Variants in SLC24A2 observed in about 807,000 individuals in gnomAD.
The protein encoded by SLC24A2 is solute carrier family 24 member 2.
A neutral mutation model predicts 62.0 loss-of-function variants in SLC24A2; 36 were observed. The observed-to-expected ratio is 0.58, with a 90% confidence interval of 0.44 to 0.77. The LOEUF is 0.77. Ranked by LOEUF, SLC24A2 falls within the 30% of genes least tolerant of loss-of-function variation. The probability of loss-of-function intolerance (pLI) is 0.00; values close to 1 mark genes in which losing one functional copy is unlikely to be tolerated. For missense variants in SLC24A2, 846 were observed against 817.9 expected (o/e 1.03, Z -0.42); for synonymous variants, 358 against 294.0 (o/e 1.22, Z -2.23).
At chr9:20,019,682 C>G in the SLC24A2 span, among the ~76,000 whole-genome samples, 17 of 152,236 alleles carry the variant, frequency 1.1e-4, no homozygotes, top group Non-Finnish European at 1.8e-4. Context: ...CCGACTAAAA[C>G]ACCGAAAGAA....
At chr9:20,061,016 G>A in the SLC24A2 span, among the ~76,000 whole-genome samples, 7 of 152,086 alleles carry the variant, frequency 4.6e-5, no homozygotes, top group Non-Finnish European at 1.0e-4. Context: ...ACTACAAGGC[G>A]TTGCTGAAAG....
the SLC24A2 span, among the ~76,000 whole-genome samples, chr9:20,258,833 CTG>C: frequency 7.4e-6 from 1 of 134,698 alleles, no homozygotes; most frequent in Non-Finnish European, 1.6e-5. Context: ...ATCTATCTAT[CTG>C]TCTATCTATC....
At chr9:19,971,831 T>C in the SLC24A2 span, among the ~76,000 whole-genome samples, 2 of 152,174 alleles carry the variant, frequency 1.3e-5, no homozygotes, top group East Asian at 1.9e-4. Context: ...CCAGGTAATA[T>C]ACTCAGCCCT....
intron 3 of SLC24A2, among the ~76,000 whole-genome samples, 194 bp downstream of exon 3, chr9:19,622,067 T>C (rs1015471089): frequency 1.1e-4 from 17 of 152,188 alleles, no homozygotes; most frequent in African/African-American, 3.9e-4. Context: ...CCAGAAGGCA[T>C]GTGTCCATGA....
upstream of SLC24A2, among the ~76,000 whole-genome samples, chr9:19,792,624 C>G (rs145318875): frequency 0.018 from 2,738 of 150,660 alleles, 28 homozygotes; most frequent in Admixed American, 0.027. Flanking sequence ...AGGAGAATCA[C>G]TTGAACCTGG....
the SLC24A2 span, among the ~76,000 whole-genome samples, chr9:20,098,593 CT>C: frequency 1.3e-5 from 2 of 152,152 alleles, no homozygotes; most frequent in Admixed American, 6.5e-5. Flanking sequence ...ACCTAAAGGC[CT>C]TTGGTCAGCT....
chr9:20,021,382 T>A, the SLC24A2 span, among the ~76,000 whole-genome samples: 1 of 151,948 alleles, frequency 6.6e-6, no homozygotes, highest in African/African-American at 2.4e-5. Flanking sequence ...CACACATACA[T>A]GTATATAATC....
At chr9:20,015,016 T>C in the SLC24A2 span, among the ~76,000 whole-genome samples, 1 of 152,164 alleles carries the variant, frequency 6.6e-6, no homozygotes, top group Non-Finnish European at 1.5e-5. Flanking sequence ...TTATAGTTTG[T>C]CTATCAAAAT....
chr9:20,186,482 GC>G, the SLC24A2 span, among the ~76,000 whole-genome samples: 1 of 152,000 alleles, frequency 6.6e-6, no homozygotes, highest in African/African-American at 2.4e-5. Context: ...CAACCACTTT[GC>G]CTGGACCACC....
the SLC24A2 span, among the ~76,000 whole-genome samples, chr9:20,178,891 G>A: frequency 2.0e-5 from 3 of 152,226 alleles, no homozygotes; most frequent in South Asian, 4.2e-4. Flanking sequence ...TACCTAGGAG[G>A]ATGCTCAGAA....
chr9:20,274,837 G>GA, the SLC24A2 span, among the ~76,000 whole-genome samples: 2 of 151,988 alleles, frequency 1.3e-5, no homozygotes, highest in Admixed American at 6.6e-5. Context: ...TGCACTGTGG[G>GA]ATGAGCATGC....
rs371213154 is a variant in SLC24A2 at position 19,725,067 on chromosome 9, T to G, written c.930+60870A>C. Among the ~76,000 whole-genome samples, 28 of 152,292 alleles carry G rather than the reference T, an allele frequency of 1.8e-4. No homozygotes were observed. The East Asian group carries it at 4.8e-3, about 26-fold the overall frequency. On this transcript the variant is annotated intron_variant, in intron 2 of 10. Transcript: ENST00000341998. The stretch of plus-strand genomic sequence containing the variant: ...TACTGTAGTTATATTTATTCAGTAC[T>G]GTACATGCCAGTGGGGTAATTTTGT...
the SLC24A2 span, among the ~76,000 whole-genome samples, chr9:20,022,352 C>A: frequency 4.2e-3 from 634 of 152,256 alleles, 9 homozygotes; most frequent in African/African-American, 0.015. Flanking sequence ...TTTATTTAAA[C>A]CATATAACAA....
At chr9:19,969,334 A>G in the SLC24A2 span, among the ~76,000 whole-genome samples, 2 of 152,232 alleles carry the variant, frequency 1.3e-5, no homozygotes, top group Admixed American at 1.3e-4. Context: ...AACTTGGCTC[A>G]GTGACATTCC....
chr9:20,061,671 A>G, the SLC24A2 span, among the ~76,000 whole-genome samples: 1 of 152,240 alleles, frequency 6.6e-6, no homozygotes, highest in African/African-American at 2.4e-5. Context: ...CTAGCACCAC[A>G]TACAAACTTT....
chr9:19,848,745 A>G, the SLC24A2 span, among the ~76,000 whole-genome samples: 1 of 152,240 alleles, frequency 6.6e-6, no homozygotes, highest in African/African-American at 2.4e-5. Context: ...CCTTCTAACC[A>G]CAAAAGATTG....
chr9:20,237,606 T>C, the SLC24A2 span, among the ~76,000 whole-genome samples: 5 of 152,210 alleles, frequency 3.3e-5, no homozygotes, highest in African/African-American at 1.2e-4. Context: ...GGGAATGATG[T>C]GCATTTCTCT....
the SLC24A2 span, among the ~76,000 whole-genome samples, chr9:20,108,042 A>C: frequency 2.6e-5 from 4 of 152,250 alleles, no homozygotes; most frequent in Non-Finnish European, 4.4e-5. Context: ...GTTGAAGGAC[A>C]TGAACAGACA....
chr9:20,098,686 G>C, the SLC24A2 span, among the ~76,000 whole-genome samples: 1 of 152,322 alleles, frequency 6.6e-6, no homozygotes, highest in Non-Finnish European at 1.5e-5. Flanking sequence ...CCTTTAACAA[G>C]CATGCCAGGT....
Sources: gnomAD v4.1 joint callset for allele counts (sites outside exome capture counted in the v4.1 genomes callset) on GRCh38, gnomAD v4.1.1 for gene constraint, MANE v1.5 for transcripts, NCBI Gene and HGNC (gene_info 2026-07-23, HGNC 2026-07-21) for gene names.